The following ANK1 variants were observed in gnomAD, a reference collection of about 807,000 sequenced individuals.
ANK1 encodes the protein ankyrin 1.
In ANK1, 51 loss-of-function variants were observed where a neutral mutation model predicts 210.4. The ratio of observed to expected loss-of-function variants is 0.24; its 90% confidence interval spans 0.19 to 0.31. The LOEUF (loss-of-function observed/expected upper bound fraction) is 0.31, where lower values mean the gene tolerates loss of function less well. Ranked by LOEUF, ANK1 falls within the 10% of genes least tolerant of loss-of-function variation. The probability of loss-of-function intolerance (pLI) is 1.00; values close to 1 mark genes in which losing one functional copy is unlikely to be tolerated. For missense variants in ANK1, 2,051 were observed against 2,504.4 expected, an observed-to-expected ratio of 0.82 and a Z score of 3.86; for synonymous variants, 967 against 1,025.9, an observed-to-expected ratio of 0.94 and a Z score of 1.10.
chr8:41,845,542 G>A (rs1563895502), intron 1 of ANK1, among the ~76,000 whole-genome samples: 2 of 152,070 alleles, frequency 1.3e-5, no homozygotes. Context: ...ACCATGGTGT[G>A]GTGCGTGCCT....
At chr8:41,707,663 C>T (rs1191627540) in intron 17 of ANK1, among the ~76,000 whole-genome samples, 8 of 152,192 alleles carry the variant, frequency 5.3e-5, no homozygotes, top group Non-Finnish European at 1.0e-4. Flanking sequence ...AGTCACCTTA[C>T]GGTCTCCTTG....
chr8:41,791,196 T>G (rs1055140266), intron 1 of ANK1, among the ~76,000 whole-genome samples: 16 of 25,762 alleles, frequency 6.2e-4, no homozygotes, highest in African/African-American at 2.4e-3. Context: ...CTAACTTTGT[T>G]TTTTTTTTTT....
At chr8:41,686,375 G>T in intron 35 of ANK1, 92 bp from the exon 36 acceptor site, 3 of 1,542,862 alleles carry the variant, frequency 1.9e-6, no homozygotes, top group Non-Finnish European at 1.8e-6. Context: ...ACTGGGGCGT[G>T]GGGGGACCCA....
At chr8:41,703,450 A>ATATATATATATATAT (rs59985416) in intron 20 of ANK1, among the ~76,000 whole-genome samples, 21 of 58,806 alleles carry the variant, frequency 3.6e-4, no homozygotes, top group South Asian at 6.3e-4. Context: ...ATATATATAT[A>ATATATATATATATAT]TTTTTTTTTT....
intron 2 of ANK1, among the ~76,000 whole-genome samples, chr8:41,737,636 T>C (rs1449642071): frequency 4.6e-5 from 7 of 152,340 alleles, no homozygotes; most frequent in Non-Finnish European, 7.3e-5. Context: ...TTTTAAAAAA[T>C]GTTTTCTCAC....
chr8:41,829,837 G>A (rs1806250633), intron 1 of ANK1: 1 of 151,162 alleles, frequency 6.6e-6, no homozygotes. Context: ...TTGGGAGGCT[G>A]AGGCAGGAGA....
intron 42 of ANK1, chr8:41,660,325 A>C (rs1251449684): frequency 3.4e-5 from 15 of 435,346 alleles, no homozygotes; most frequent in Non-Finnish European, 2.3e-5. Flanking sequence ...AGAAAGCTAG[A>C]GCCTCCTTGC....
At chr8:41,736,668 T>C (rs905065202) in intron 2 of ANK1, among the ~76,000 whole-genome samples, 10 of 152,296 alleles carry the variant, frequency 6.6e-5, no homozygotes, top group African/African-American at 2.4e-4. Flanking sequence ...CTGTGGGTCC[T>C]GAATGCATCA....
At chr8:41,677,912 A>G (rs980946798) in intron 37 of ANK1, among the ~76,000 whole-genome samples, 1 of 152,098 alleles carries the variant, frequency 6.6e-6, no homozygotes, top group Non-Finnish European at 1.5e-5. Flanking sequence ...GTTTCTAATA[A>G]GAAATCTGAT....
At chr8:41,685,903 C>T (rs2150580000) in intron 36 of ANK1, among the ~76,000 whole-genome samples, 1 of 152,382 alleles carries the variant, frequency 6.6e-6, no homozygotes, top group African/African-American at 2.4e-5. Context: ...GCATGAGCCA[C>T]TGTGCCAGGC....
At position 41,702,049 on chromosome 8, in the gene ANK1, T is replaced by A. The variant is rs776695156; in HGVS notation, c.2388+3A>T. ...GGTGGGTGCGGGGGAGAGGCAGACA[T>A]ACCACGAAACTGGTTTCATCCGTGA... On this transcript the variant is annotated splice_donor_region_variant and intron_variant, in intron 21 of 42. Coordinates refer to ENST00000289734, the MANE Select transcript of ANK1 (RefSeq NM_000037.4). 6.2e-7 allele frequency: 1 copy of A among 1,613,238 alleles called. No individual in the cohort carries two copies. The highest frequency in any genetic ancestry group is 1.3e-5 in the African/African-American group (1 of 75,028).
intron 1 of ANK1, among the ~76,000 whole-genome samples, chr8:41,780,877 G>A (rs935561946): frequency 2.6e-5 from 4 of 152,138 alleles, no homozygotes; most frequent in South Asian, 2.1e-4. Context: ...AACCAAGAGT[G>A]GGTCCCAGGG....
chr8:41,698,894 TCAAG>T (rs1821867952), intron 23 of ANK1, among the ~76,000 whole-genome samples: 1 of 152,028 alleles, frequency 6.6e-6, no homozygotes, highest in Non-Finnish European at 1.5e-5. Flanking sequence ...CCTCCCGGGT[TCAAG>T]CAATTCTCCT....
In ANK1 at chr8:41,656,020, T is replaced by C. The variant is rs72638945; in HGVS notation, c.*37-267A>G. Among the ~76,000 whole-genome samples, 6,818 of 152,340 alleles carry C rather than the reference T, an allele frequency of 0.045. 218 individuals are homozygous for C. Among genetic ancestry groups the C allele is most frequent in the African/African-American group, 0.085 (3,527 of 41,572 alleles). On this transcript the variant is annotated intron_variant, in intron 42 of 42. Coordinates refer to ENST00000289734, the MANE Select transcript of ANK1 (RefSeq NM_000037.4). ...TGAATTCCTTCTGAGTGTGCAAGTGTTCCAGGATGCCTCTCTGTATGGGCC... is the reference window on the plus strand; with the variant it reads ...TGAATTCCTTCTGAGTGTGCAAGTGCTCCAGGATGCCTCTCTGTATGGGCC...
chr8:41,863,860 A>G (rs533155982), intron 1 of ANK1, among the ~76,000 whole-genome samples: 34 of 152,334 alleles, frequency 2.2e-4, no homozygotes, highest in African/African-American at 8.2e-4. Flanking sequence ...CCAGGGGCTT[A>G]CCATGCTCTA....
intron 2 of ANK1, among the ~76,000 whole-genome samples, chr8:41,755,855 C>A (rs1400324236): frequency 6.6e-6 from 1 of 152,178 alleles, no homozygotes; most frequent in Non-Finnish European, 1.5e-5. Flanking sequence ...TGGATGTTGG[C>A]ATTTCTGGGT....
In ANK1 at chr8:41,838,767, A is replaced by AAATAATAATAATAATAATAATAATAAT. The variant is rs58514602; in HGVS notation, c.126+57587_126+57588insATTATTATTATTATTATTATTATTATT. 4.4e-4 allele frequency among the ~76,000 whole-genome samples: 62 copies of AAATAATAATAATAATAATAATAATAAT among 140,542 alleles called. 1 individual carries two copies. The highest frequency in any genetic ancestry group is 1.6e-3 in the African/African-American group (60 of 36,686). The allele number at this position is 140,542 out of a possible 152,430, so 92.2% of individuals were successfully genotyped here. ...GGGACAAAGCAAGACTCCGTCTCAA[A>AAATAATAATAATAATAATAATAATAAT]AATAATAATAATAATAATAATAATA... On this transcript the variant is annotated intron_variant, in intron 1 of 42. Coordinates refer to the ANK1 transcript ENST00000265709.
At chr8:41,744,413 A>G (rs1212014125) in intron 2 of ANK1, among the ~76,000 whole-genome samples, 1 of 152,114 alleles carries the variant, frequency 6.6e-6, no homozygotes, top group African/African-American at 2.4e-5. Context: ...CCCTCAACAC[A>G]ATACTGATCA....
rs780160212 is a variant in ANK1 at position 41,672,637 on chromosome 8, C to A, written c.4813G>T (p.Ala1605Ser). ...GGGCCCCGCGGTTCCTCTGAGAGTG[C>A]CCCCTCCAACTTCCACTCGTGACCT... Reference protein sequence around the residue: ...ATGHEWKLEGALSEEPRGPEL... With the variant: ...ATGHEWKLEGSLSEEPRGPEL... Residue 1605 changes from alanine (A) to serine (S), a missense_variant, in exon 38 of 43, where the codon GCA (alanine) becomes TCA (serine). Around this residue, in one of 6 missense-constraint regions of ANK1, gnomAD observed 496 missense variants for 533.4 expected, o/e 0.93. Coordinates refer to ENST00000289734, the MANE Select transcript of ANK1 (RefSeq NM_000037.4). 10 of 1,614,242 alleles carry A rather than the reference C, an allele frequency of 6.2e-6. No homozygotes were observed. In the South Asian group the frequency reaches 1.1e-4, roughly 18 times the overall value.
Sources: allele counts gnomAD v4.1 joint callset (sites outside exome capture counted in the v4.1 genomes callset), GRCh38; gene constraint gnomAD v4.1.1; regional missense constraint gnomAD v4.1.1; transcripts MANE v1.5; gene names NCBI Gene and HGNC (gene_info 2026-07-23, HGNC 2026-07-21).